Variants in TET1 observed in about 807,000 individuals in gnomAD.
TET1 encodes the protein tet methylcytosine dioxygenase 1.
TET1 carries 13 observed loss-of-function variants against 148.7 expected under a neutral mutation model. The ratio of observed to expected loss-of-function variants is 0.09; its 90% confidence interval spans 0.06 to 0.14. TET1 has a LOEUF of 0.14. TET1 is among the 10% of genes least tolerant of loss of function. The probability of loss-of-function intolerance (pLI) is 1.00; values close to 1 mark genes in which losing one functional copy is unlikely to be tolerated. For synonymous variants in TET1, 907 were observed against 937.2 expected (o/e 0.97, Z 0.59); for missense variants, 2,182 against 2,553.8 (o/e 0.85, Z 3.14).
intron 11 of TET1, among the ~76,000 whole-genome samples, 161 bp downstream of exon 11, chr10:68,686,868 C>A (rs2055518989): frequency 1.3e-5 from 2 of 151,100 alleles, no homozygotes; most frequent in South Asian, 4.2e-4. Context: ...ATCAGTATTT[C>A]TTGGTAACTT....
At chr10:68,588,251 G>A (rs568014562) in intron 2 of TET1, among the ~76,000 whole-genome samples, 1 of 152,310 alleles carries the variant, frequency 6.6e-6, no homozygotes, top group South Asian at 2.1e-4. Context: ...ACAAAGTGCA[G>A]GGATTACAGG....
intron 6 of TET1, among the ~76,000 whole-genome samples, chr10:68,664,381 C>T (rs915934327): frequency 1.1e-4 from 17 of 151,196 alleles, no homozygotes; most frequent in African/African-American, 3.9e-4. Context: ...AAATATTTCT[C>T]CTGCCCTTTT....
intron 3 of TET1, chr10:68,632,248 G>T: frequency 5.2e-6 from 4 of 775,894 alleles, no homozygotes; most frequent in Middle Eastern, 3.8e-4. Flanking sequence ...CGTGAACCCG[G>T]GAGGCGGAGC....
chr10:68,572,990 C>G lies in TET1; in HGVS notation c.652C>G (p.Leu218Val). ...TGCAGCTGAGATCCTTCCTGGGCCA[C>G]TGGAAGGGACACGCTGTGGTGAAGG... ...GPAAEILPGPLEGTRCGEGLF... is the reference protein window; with the variant it reads ...GPAAEILPGPVEGTRCGEGLF... The change falls in exon 2 of 12, where the codon CTG becomes GTG. Residue 218 changes from leucine (L) to valine (V), a missense_variant. By Grantham distance (32) the Leu-to-Val change is conservative. Coordinates refer to ENST00000373644, the MANE Select transcript of TET1 (RefSeq NM_030625.3). The G allele has an allele frequency of 3.1e-6, 5 of 1,614,150 alleles. No individual in the cohort carries two copies. Among genetic ancestry groups the G allele is most frequent in the Non-Finnish European group, 4.2e-6 (5 of 1,180,036 alleles).
chr10:68,624,693 TCTC>T (rs2054446702), intron 3 of TET1, among the ~76,000 whole-genome samples: 1 of 129,546 alleles, frequency 7.7e-6, no homozygotes, highest in Non-Finnish European at 1.6e-5. Flanking sequence ...TCTCTCTCTC[TCTC>T]TTTCTTTCTT....
rs376317734 is a variant in TET1, at chr10:68,682,273, C to A, written c.4915-563C>A. On this transcript the variant is annotated intron_variant, in intron 9 of 11. Coordinates refer to ENST00000373644, the MANE Select transcript of TET1 (RefSeq NM_030625.3). ...ACTACAGGCATGCGCCACCACACCC[C>A]GCTAATTTTTGTATTTTTAGTAGAG... 2.8e-3 allele frequency among the ~76,000 whole-genome samples: 421 copies of A among 151,102 alleles called. 7 individuals carry two copies. The highest frequency in any genetic ancestry group is 9.6e-3 in the African/African-American group (394 of 41,240).
intron 5 of TET1, 88 bp from the exon 6 acceptor site, chr10:68,652,413 T>A: frequency 1.2e-6 from 1 of 854,030 alleles, no homozygotes; most frequent in Non-Finnish European, 1.8e-6. Context: ...CATCTATATC[T>A]TATATACATT....
chr10:68,594,291 T>C (rs10128326), intron 2 of TET1, among the ~76,000 whole-genome samples: 9,012 of 152,200 alleles, frequency 0.059, 623 homozygotes, highest in African/African-American at 0.17. Context: ...GGCCTTCCAG[T>C]TTCTAGTTGG....
intron 3 of TET1, among the ~76,000 whole-genome samples, chr10:68,627,710 G>A (rs1376371445): frequency 4.0e-5 from 6 of 151,540 alleles, no homozygotes; most frequent in East Asian, 3.9e-4. Flanking sequence ...CAAATCACCC[G>A]AGGTCAGGAG....
At chr10:68,604,352 G>A (rs2054095776) in intron 3 of TET1, among the ~76,000 whole-genome samples, 1 of 152,126 alleles carries the variant, frequency 6.6e-6, no homozygotes, top group East Asian at 1.9e-4. Context: ...TTTAATAAAG[G>A]AATTACTTTC....
intron 11 of TET1, among the ~76,000 whole-genome samples, chr10:68,688,973 A>T (rs948289197): frequency 2.6e-5 from 4 of 152,250 alleles, no homozygotes; most frequent in Admixed American, 2.6e-4. Context: ...AGGCATTTAT[A>T]TAATGCTGAA....
At chr10:68,625,971 C>A (rs1213153001) in intron 3 of TET1, among the ~76,000 whole-genome samples, 2 of 151,678 alleles carry the variant, frequency 1.3e-5, no homozygotes, top group African/African-American at 4.8e-5. Context: ...GCAGTCCCAT[C>A]TACTCAGAAG....
At chr10:68,676,600 A>G (rs577207173) in intron 8 of TET1, among the ~76,000 whole-genome samples, 1 of 151,560 alleles carries the variant, frequency 6.6e-6, no homozygotes, top group East Asian at 1.9e-4. Flanking sequence ...TTTTTCGTAG[A>G]GATGGGATTT....
At chr10:68,667,006 TA>T in intron 6 of TET1, 38 bp from the exon 7 acceptor site, 4 of 1,569,720 alleles carry the variant, frequency 2.5e-6, no homozygotes, top group Non-Finnish European at 3.5e-6. Flanking sequence ...AAATTTGGCA[TA>T]CTTGTCTTCC....
chr10:68,595,973 CACACAT>C (rs1287732575), intron 2 of TET1, among the ~76,000 whole-genome samples: 85 of 39,724 alleles, frequency 2.1e-3, no homozygotes, highest in African/African-American at 6.3e-3. Context: ...CACACACACA[CACACAT>C]ATATACACAC....
Position 68,573,721 on chromosome 10 carries a change from A to C in TET1, c.1383A>C (p.Ala461=). The part of the protein sequence containing the change: ...EPQSTVSYGL[A]VQGAIQILPL... The stretch of plus-strand genomic sequence containing the variant: ...AAAGCACTGTCTCATATGGACTTGC[A>C]GTCCAGGGTGCTATACAGATTTTGC... Residue 461 remains alanine (A), a synonymous_variant, in exon 2 of 12, where the codon GCA becomes GCC. Coordinates refer to ENST00000373644, the MANE Select transcript of TET1 (RefSeq NM_030625.3). 1.2e-6 allele frequency: 2 copies of C among 1,614,114 alleles called. No homozygotes were observed. The highest frequency in any genetic ancestry group is 1.7e-6 in the Non-Finnish European group (2 of 1,180,040).
In TET1 at chr10:68,646,221, A is replaced by G; in HGVS notation, c.3492A>G (p.Thr1164=). ...GAGATCGGCGGAAAAAGAAGCCCAC[A>G]GTTGTAAGTTATCAAGAAAATGATC... ...PSRDRRKKKP[T]VVSYQENDRQ... Residue 1164 remains threonine (T), a synonymous_variant, in exon 4 of 12, where the codon ACA becomes ACG. Transcript: ENST00000373644. The G allele has an allele frequency of 6.2e-7, 1 of 1,614,192 alleles. No homozygotes were observed. The highest frequency in any genetic ancestry group is 8.5e-7 in the Non-Finnish European group (1 of 1,180,022).
In TET1 at chr10:68,572,219, CA is replaced by C; in HGVS notation, c.-116del. On this transcript the variant is annotated 5_prime_UTR_variant, in exon 2 of 12. Coordinates refer to ENST00000373644, the MANE Select transcript of TET1 (RefSeq NM_030625.3). ...AGTGTATTCTGTTGTTATTTCAGAC[CA>C]AAACCTTGTGTGACTGAGCTGAAGA... 1.2e-6 allele frequency: 1 copy of C among 834,656 alleles called. No individual in the cohort carries two copies. The highest frequency in any genetic ancestry group is 1.8e-6 in the Non-Finnish European group (1 of 541,058). The allele number at this position is 834,656 out of a possible 1,614,324, so 51.7% of individuals were successfully genotyped here. A position where few individuals can be genotyped will look rare whatever the true frequency, so the allele number is the denominator to read the frequency against.
intron 3 of TET1, among the ~76,000 whole-genome samples, chr10:68,610,356 G>A (rs114271829): frequency 0.045 from 6,836 of 151,558 alleles, 520 homozygotes; most frequent in African/African-American, 0.16. Flanking sequence ...AGGCCGAGGC[G>A]GTGGATCACT....
Sources: allele counts gnomAD v4.1 joint callset (sites outside exome capture counted in the v4.1 genomes callset), GRCh38; gene constraint gnomAD v4.1.1; transcripts MANE v1.5; gene names NCBI Gene and HGNC (gene_info 2026-07-23, HGNC 2026-07-21).